Variants in GATAD2A observed in about 807,000 individuals in gnomAD.
GATAD2A encodes the protein GATA zinc finger domain containing 2A.
A neutral mutation model predicts 68.5 loss-of-function variants in GATAD2A; 12 were observed. That is an observed-to-expected ratio of 0.18 (90% confidence interval 0.11 to 0.28). The LOEUF is 0.28. GATAD2A is among the 10% of genes least tolerant of loss of function. The pLI, the probability that GATAD2A is intolerant of heterozygous loss-of-function variation, is 1.00. For missense variants in GATAD2A, 755 were observed against 868.5 expected (o/e 0.87, Z 1.64); for synonymous variants, 410 against 375.3 (o/e 1.09, Z -1.07).
intron 1 of GATAD2A, among the ~76,000 whole-genome samples, chr19:19,411,883 T>C (rs1407266011): frequency 1.3e-5 from 2 of 152,196 alleles, no homozygotes; most frequent in Non-Finnish European, 2.9e-5. Flanking sequence ...AACACTCAGA[T>C]TGAGGAGCTT....
chr19:19,471,556 C>T (rs1385618944), intron 2 of GATAD2A, among the ~76,000 whole-genome samples: 1 of 152,026 alleles, frequency 6.6e-6, no homozygotes, highest in African/African-American at 2.4e-5. Flanking sequence ...CACATGGGCA[C>T]GTTTTGGGAA....
intron 1 of GATAD2A, among the ~76,000 whole-genome samples, chr19:19,430,449 G>A (rs541733885): frequency 6.6e-6 from 1 of 152,302 alleles, no homozygotes; most frequent in Admixed American, 6.5e-5. Flanking sequence ...GGAGAGGGGC[G>A]GGAGAAGGTG....
chr19:19,395,580 A>T (rs2049170335), intron 1 of GATAD2A, among the ~76,000 whole-genome samples: 1 of 152,032 alleles, frequency 6.6e-6, no homozygotes, highest in African/African-American at 2.4e-5. Flanking sequence ...ACACCCACAA[A>T]CTCAGAGGCC....
At chr19:19,420,632 G>A (rs955857129) in intron 1 of GATAD2A, among the ~76,000 whole-genome samples, 3 of 151,780 alleles carry the variant, frequency 2.0e-5, no homozygotes, top group Non-Finnish European at 4.4e-5. Context: ...GAGCCACCGC[G>A]ACCAGCCCCA....
At position 19,487,337 on chromosome 19, in the gene GATAD2A, G is replaced by A. The variant is rs192648545; in HGVS notation, c.270-4969G>A. Among the ~76,000 whole-genome samples the A allele has an allele frequency of 4.6e-5, 7 of 152,274 alleles. No individual in the cohort carries two copies. The East Asian group carries it at 7.7e-4, about 17-fold the overall frequency. ...GTGCCACACCCACCTGAAGGAGGTC[G>A]TGATGGCCCCCAGCTCAGGGTGCAG... is the stretch of plus-strand genomic sequence containing the variant. On this transcript the variant is annotated intron_variant, in intron 2 of 11. Transcript: ENST00000683918.
intron 8 of GATAD2A, among the ~76,000 whole-genome samples, chr19:19,500,856 C>T (rs530778675): frequency 6.6e-4 from 100 of 152,360 alleles, no homozygotes; most frequent in African/African-American, 2.2e-3. Context: ...AGGGTGCCCA[C>T]CACACTGAGG....
At chr19:19,403,561 TAAAAAA>T (rs375757555), upstream of GATAD2A, among the ~76,000 whole-genome samples, 1 of 144,250 alleles carries the variant, frequency 6.9e-6, no homozygotes, top group Non-Finnish European at 1.5e-5. Context: ...GCCTCCCTCT[TAAAAAA>T]AAAAAGGGGT....
At chr19:19,502,568 G>A in intron 11 of GATAD2A, 42 bp downstream of exon 11, 2 of 1,488,212 alleles carry the variant, frequency 1.3e-6, no homozygotes, top group Non-Finnish European at 1.8e-6. Context: ...CCTGCCCATT[G>A]TGGGGTTCAC....
At chr19:19,426,950 G>C (rs986635191) in intron 1 of GATAD2A, among the ~76,000 whole-genome samples, 9 of 152,198 alleles carry the variant, frequency 5.9e-5, no homozygotes, top group African/African-American at 2.2e-4. Context: ...GGTATACCAG[G>C]CTCATGTGCT....
chr19:19,401,945 C>T (rs776864854), upstream of GATAD2A: 3 of 152,088 alleles, frequency 2.0e-5, no homozygotes, highest in Non-Finnish European at 2.9e-5. Flanking sequence ...AGAGTACACT[C>T]GAAAGACCAT....
intron 1 of GATAD2A, 123 bp from the exon 2 acceptor site, chr19:19,465,217 T>C: frequency 1.3e-6 from 1 of 752,250 alleles, no homozygotes; most frequent in Admixed American, 2.1e-5. Flanking sequence ...GCGTTTGTTG[T>C]ACATTCTTTT....
At chr19:19,426,013 T>C (rs2053046747) in intron 1 of GATAD2A, among the ~76,000 whole-genome samples, 1 of 152,156 alleles carries the variant, frequency 6.6e-6, no homozygotes, top group East Asian at 1.9e-4. Context: ...GTCTCGAACT[T>C]GTAAGCTCAC....
intron 2 of GATAD2A, among the ~76,000 whole-genome samples, chr19:19,491,743 C>G (rs1459943392): frequency 6.6e-6 from 1 of 152,214 alleles, no homozygotes; most frequent in Non-Finnish European, 1.5e-5. Flanking sequence ...CCTCGGTCTT[C>G]TGGGGACAGG....
intron 1 of GATAD2A, among the ~76,000 whole-genome samples, chr19:19,421,812 CTCTT>C (rs1314169978): frequency 6.6e-6 from 1 of 151,844 alleles, no homozygotes; most frequent in African/African-American, 2.4e-5. Flanking sequence ...GACCTTCTCT[CTCTT>C]TTTTTTTTTT....
At chr19:19,436,493 A>G (rs1461154685) in intron 1 of GATAD2A, among the ~76,000 whole-genome samples, 1 of 152,274 alleles carries the variant, frequency 6.6e-6, no homozygotes. Flanking sequence ...TCTGAGGGGC[A>G]GGGGCAGAGG....
intron 8 of GATAD2A, 122 bp downstream of exon 8, chr19:19,498,844 G>C: frequency 3.6e-6 from 3 of 836,870 alleles, no homozygotes; most frequent in Non-Finnish European, 5.7e-6. Flanking sequence ...ATGGTCCTGG[G>C]TGGGCTTGGC....
At chr19:19,416,615 A>G (rs1176956279) in intron 1 of GATAD2A, among the ~76,000 whole-genome samples, 1 of 152,188 alleles carries the variant, frequency 6.6e-6, no homozygotes, top group Non-Finnish European at 1.5e-5. Context: ...TATGAAGTTT[A>G]AGATGAAGGG....
chr19:19,507,997 G>T lies in GATAD2A; in HGVS notation c.*2523G>T, dbSNP rs1384924984. 6.6e-6 allele frequency: 1 copy of T among 152,140 alleles called. No individual in the cohort carries two copies. The highest frequency in any genetic ancestry group is 1.9e-4 in the East Asian group (1 of 5,180). 9.4% of individuals were successfully genotyped at this position (152,140 alleles called of 1,614,324 possible). A position where few individuals can be genotyped will look rare whatever the true frequency, so the allele number is the denominator to read the frequency against. On this transcript the variant is annotated 3_prime_UTR_variant, in exon 12 of 12. Coordinates refer to ENST00000683918, the MANE Select transcript of GATAD2A (RefSeq NM_001384528.1). ...ATAGCTATTGATTAATGTTAAGGGT[G>T]TTCTACCCACAGCAAAGCACACCCT...
At position 19,502,412 on chromosome 19, in the gene GATAD2A, A is replaced by G. The variant is rs773858458; in HGVS notation, c.1660A>G (p.Asn554Asp). The change falls in exon 11 of 12, where the codon AAC (asparagine) becomes GAC (aspartate). Residue 554 changes from asparagine (N) to aspartate (D), a missense_variant. By Grantham distance (23) the Asn-to-Asp change is conservative. Transcript: ENST00000683918. ...HTFSPSPKLQ[N>D]SASATALVSR... ...GTTCAGTCCGTCACCCAAACTGCAGAACTCAGCCTCGGCCACAGCCCTGGT... is the reference window on the plus strand; with the variant it reads ...GTTCAGTCCGTCACCCAAACTGCAGGACTCAGCCTCGGCCACAGCCCTGGT... 1 of 1,613,750 alleles carries G rather than the reference A, an allele frequency of 6.2e-7. No individual in the cohort carries two copies. The highest frequency in any genetic ancestry group is 1.7e-5 in the Admixed American group (1 of 60,026).
Sources: gnomAD v4.1 joint callset for allele counts (sites outside exome capture counted in the v4.1 genomes callset) on GRCh38, gnomAD v4.1.1 for gene constraint, MANE v1.5 for transcripts, NCBI Gene and HGNC (gene_info 2026-07-23, HGNC 2026-07-21) for gene names.